Variants in TDRD3 observed in about 807,000 individuals in gnomAD.
TDRD3 encodes tudor domain-containing protein 3.
TDRD3 carries 45 observed loss-of-function variants against 86.7 expected under a neutral mutation model. That is an observed-to-expected ratio of 0.52 (90% CI 0.41 to 0.67). The LOEUF (loss-of-function observed/expected upper bound fraction) is 0.67, where lower values mean the gene tolerates loss of function less well. TDRD3 is among the 30% of genes least tolerant of loss of function. The pLI, the probability that TDRD3 is intolerant of heterozygous loss-of-function variation, is 0.00. For missense variants in TDRD3, 814 were observed against 889.0 expected (o/e 0.92, Z 1.07); for synonymous variants, 298 against 301.7 (o/e 0.99, Z 0.13).
intron 3 of TDRD3, among the ~76,000 whole-genome samples, chr13:60,458,685 C>CT (rs1412222841): frequency 1.3e-5 from 2 of 152,064 alleles, no homozygotes; most frequent in Non-Finnish European, 2.9e-5. Context: ...TGAAAGTGGT[C>CT]TAACTCTGTG....
intron 8 of TDRD3, 137 bp from the exon 9 acceptor site, chr13:60,509,626 A>C: frequency 6.4e-6 from 7 of 1,099,004 alleles, no homozygotes; most frequent in South Asian, 1.5e-5. Flanking sequence ...AAAATCAGCA[A>C]GAGAATGTTG....
In TDRD3 at chr13:60,513,612, C is replaced by T. The variant is rs143154333; in HGVS notation, c.1141+2857C>T. On this transcript the variant is annotated intron_variant, in intron 10 of 13. Transcript: ENST00000377881. ...TTGAATTCCCACATGTTGTGGGAGG[C>T]ACTCGGTGAGAGGTAATTGAATCAT... 3.1e-3 allele frequency among the ~76,000 whole-genome samples: 466 copies of T among 152,244 alleles called. 2 individuals are homozygous for T. Among genetic ancestry groups the T allele is most frequent in the African/African-American group, 0.011 (442 of 41,556 alleles).
chr13:60,401,248 A>T lies in TDRD3; in HGVS notation c.41+3843A>T, dbSNP rs531816721. Among the ~76,000 whole-genome samples, 152 of 152,352 alleles carry T rather than the reference A, an allele frequency of 1.0e-3. No individual in the cohort carries two copies. In the Middle Eastern group the frequency reaches 0.01, roughly 10 times the overall value. ...TCTAAAATATTTGGAAAAATAAAAA[A>T]AAATAAAAATAACAATACAACAACA... On this transcript the variant is annotated intron_variant, in intron 1 of 13. Transcript: ENST00000377881.
At chr13:60,483,892 GT>G in intron 6 of TDRD3, 46 bp downstream of exon 6, 3 of 1,575,504 alleles carry the variant, frequency 1.9e-6, no homozygotes, top group Non-Finnish European at 2.6e-6. Flanking sequence ...AGGAAAAAGT[GT>G]TTTTCATTAG....
intron 12 of TDRD3, among the ~76,000 whole-genome samples, chr13:60,561,848 T>C (rs1435054395): frequency 6.6e-6 from 1 of 150,916 alleles, no homozygotes; most frequent in Non-Finnish European, 1.5e-5. Flanking sequence ...TCCAGGCTAC[T>C]ATGGGCCCAG....
At chr13:60,551,480 G>GC (rs1016926233) in intron 12 of TDRD3, among the ~76,000 whole-genome samples, 2 of 152,116 alleles carry the variant, frequency 1.3e-5, no homozygotes, top group African/African-American at 4.8e-5. Context: ...AATGCTTGTT[G>GC]CCCCTTAATT....
At chr13:60,494,718 A>G in intron 8 of TDRD3, 143 bp downstream of exon 8, 1 of 660,136 alleles carries the variant, frequency 1.5e-6, no homozygotes, top group South Asian at 5.9e-5. Context: ...AAGGATTACA[A>G]TTAAATCATT....
At chr13:60,505,561 G>A (rs563557028) in intron 8 of TDRD3, among the ~76,000 whole-genome samples, 2 of 152,284 alleles carry the variant, frequency 1.3e-5, no homozygotes, top group South Asian at 2.1e-4. Context: ...AGCAAGCAGC[G>A]GATCTCTCAG....
chr13:60,423,708 G>A (rs2080690706), intron 1 of TDRD3, among the ~76,000 whole-genome samples: 1 of 152,012 alleles, frequency 6.6e-6, no homozygotes, highest in Non-Finnish European at 1.5e-5. Flanking sequence ...AATTGTAAAA[G>A]GAGAAATACA....
chr13:60,565,357 C>T (rs1199924277), intron 12 of TDRD3, among the ~76,000 whole-genome samples: 1 of 152,018 alleles, frequency 6.6e-6, no homozygotes, highest in African/African-American at 2.4e-5. Context: ...GCCCGGCCGT[C>T]AGTATCTTTT....
At chr13:60,524,187 ATT>A (rs1957353848) in intron 10 of TDRD3, among the ~76,000 whole-genome samples, 1 of 151,998 alleles carries the variant, frequency 6.6e-6, no homozygotes, top group African/African-American at 2.4e-5. Context: ...TTTTCAGTTG[ATT>A]TGGGATATAT....
intron 10 of TDRD3, among the ~76,000 whole-genome samples, chr13:60,513,042 C>T (rs1957093559): frequency 6.6e-6 from 1 of 152,232 alleles, no homozygotes; most frequent in Non-Finnish European, 1.5e-5. Context: ...AAACTTCTGC[C>T]TTGGCATTCA....
chr13:60,463,277 A>G (rs113664048), intron 4 of TDRD3, among the ~76,000 whole-genome samples: 7,225 of 150,150 alleles, frequency 0.048, 214 homozygotes, highest in Non-Finnish European at 0.064. Context: ...CAGGAGAATC[A>G]CTTGAACCCA....
At chr13:60,411,560 G>A (rs913924405) in intron 1 of TDRD3, among the ~76,000 whole-genome samples, 2 of 152,198 alleles carry the variant, frequency 1.3e-5, no homozygotes, top group African/African-American at 4.8e-5. Context: ...AGGCTAGGCT[G>A]ATGTAAGAGA....
intron 5 of TDRD3, among the ~76,000 whole-genome samples, chr13:60,482,242 A>G (rs1956333521): frequency 6.6e-6 from 1 of 152,148 alleles, no homozygotes; most frequent in Non-Finnish European, 1.5e-5. Flanking sequence ...AGCCTGCTTG[A>G]ACTGTGAGAC....
At chr13:60,565,494 G>GA (rs1958438003) in intron 12 of TDRD3, among the ~76,000 whole-genome samples, 1 of 152,082 alleles carries the variant, frequency 6.6e-6, no homozygotes, top group Non-Finnish European at 1.5e-5. Flanking sequence ...AGTTCAGTTC[G>GA]TGAATTCTTT....
At chr13:60,489,965 A>G (rs893409987) in intron 7 of TDRD3, among the ~76,000 whole-genome samples, 1 of 151,472 alleles carries the variant, frequency 6.6e-6, no homozygotes, top group Non-Finnish European at 1.5e-5. Context: ...ATTGGAGCAT[A>G]GTTAACCTAT....
intron 10 of TDRD3, among the ~76,000 whole-genome samples, chr13:60,519,287 C>G (rs911048323): frequency 6.6e-6 from 1 of 152,118 alleles, no homozygotes; most frequent in Non-Finnish European, 1.5e-5. Context: ...ACTATTAATT[C>G]ATTTTATCAT....
intron 12 of TDRD3, chr13:60,535,603 G>T (rs1957681976): frequency 6.4e-6 from 1 of 155,838 alleles, no homozygotes; most frequent in Non-Finnish European, 1.4e-5. Flanking sequence ...TCAAATCTCT[G>T]TTGGATGTGC....
Sources: gnomAD v4.1 joint callset for allele counts (sites outside exome capture counted in the v4.1 genomes callset) on GRCh38, gnomAD v4.1.1 for gene constraint, MANE v1.5 for transcripts, NCBI Gene and HGNC (gene_info 2026-07-23, HGNC 2026-07-21) for gene names.